Variants in PACS2 observed in about 807,000 individuals in gnomAD.
PACS2 encodes the protein phosphofurin acidic cluster sorting protein 2.
In PACS2, 36 loss-of-function variants were observed where a neutral mutation model predicts 113.0. That is an observed-to-expected ratio of 0.32 (90% CI 0.24 to 0.42). The LOEUF (loss-of-function observed/expected upper bound fraction) is 0.42, where lower values mean the gene tolerates loss of function less well. Among genes scored for constraint, PACS2 ranks in the 10% least tolerant of loss-of-function variants. The pLI, the probability that PACS2 is intolerant of heterozygous loss-of-function variation, is 1.00. For missense variants in PACS2, 1,015 were observed against 1,239.5 expected (o/e 0.82, Z 2.72); for synonymous variants, 589 against 536.1 (o/e 1.10, Z -1.36).
At chr14:105,342,981 C>T (rs982163029) in intron 1 of PACS2, among the ~76,000 whole-genome samples, 1 of 151,794 alleles carries the variant, frequency 6.6e-6, no homozygotes, top group African/African-American at 2.4e-5. Flanking sequence ...AGGTTCACCC[C>T]TCACACCTTT....
chr14:105,351,181 C>A (rs1388757531), intron 2 of PACS2, among the ~76,000 whole-genome samples: 1 of 152,262 alleles, frequency 6.6e-6, no homozygotes, highest in Non-Finnish European at 1.5e-5. Context: ...GCAGCGGCTG[C>A]TTGTTTCTCG....
intron 1 of PACS2, among the ~76,000 whole-genome samples, chr14:105,326,661 C>G (rs901547839): frequency 1.3e-5 from 2 of 152,242 alleles, no homozygotes; most frequent in Non-Finnish European, 2.9e-5. Context: ...GCCTAGGGCT[C>G]TCCTTCCTCC....
chr14:105,369,806 G>A (rs1366579624), intron 7 of PACS2, 35 bp from the exon 8 acceptor site: 2 of 1,529,678 alleles, frequency 1.3e-6, no homozygotes, highest in Non-Finnish European at 1.8e-6. Context: ...TGCAGCTCTG[G>A]CGGCGGCTCT....
At chr14:105,382,328 G>A in intron 13 of PACS2, 149 bp from the exon 14 acceptor site, 1 of 701,490 alleles carries the variant, frequency 1.4e-6, no homozygotes, top group Non-Finnish European at 2.5e-6. Context: ...TTTAGCCCAG[G>A]GCAGTTCTCC....
At position 105,375,176 on chromosome 14, in the gene PACS2, T is replaced by C. The variant is rs587666041; in HGVS notation, c.802-1592T>C. 6.6e-5 allele frequency among the ~76,000 whole-genome samples: 10 copies of C among 151,858 alleles called. No homozygotes were observed. In the East Asian group the frequency reaches 1.6e-3, roughly 24 times the overall value. On this transcript the variant is annotated intron_variant, in intron 8 of 24. Coordinates refer to ENST00000447393, the MANE Select transcript of PACS2 (RefSeq NM_001100913.3). ...CTCAAAGACAAAGAACAGTGAATTG[T>C]CCAATTAAAAAATGGGCAGGGGGCT...
chr14:105,303,117 TG>T (rs1345701476), intron 1 of PACS2, among the ~76,000 whole-genome samples: 5 of 152,110 alleles, frequency 3.3e-5, no homozygotes, highest in African/African-American at 1.2e-4. Context: ...TTAGTAGAGA[TG>T]GGGTTTCACC....
At chr14:105,350,751 G>T (rs2060139694) in intron 2 of PACS2, among the ~76,000 whole-genome samples, 2 of 152,226 alleles carry the variant, frequency 1.3e-5, no homozygotes, top group African/African-American at 4.8e-5. Flanking sequence ...GGTCCCTGCA[G>T]GTCCTCTGAG....
intron 19 of PACS2, among the ~76,000 whole-genome samples, chr14:105,387,513 C>T (rs968083455): frequency 6.6e-6 from 1 of 152,212 alleles, no homozygotes; most frequent in Admixed American, 6.5e-5. Context: ...ATGCTCCTTA[C>T]ACTCCTGACC....
In PACS2 at chr14:105,315,074, A is replaced by G. The variant is rs1275724771; in HGVS notation, c.119+37A>G. On this transcript the variant is annotated intron_variant, in intron 1 of 24. Transcript: ENST00000447393. The surrounding 1 kb of genome is among the most constrained non-coding windows in gnomAD (Gnocchi z 4.4). Reference sequence around the variant, plus strand: ...CCGCCGCGCTTTGTTCCCGCCGGGCACCTGCTGGGGGTGTCCTGGCCGCGG... The same window carrying G: ...CCGCCGCGCTTTGTTCCCGCCGGGCGCCTGCTGGGGGTGTCCTGGCCGCGG... 5 of 1,115,880 alleles carry G rather than the reference A, an allele frequency of 4.5e-6. No homozygotes were observed. The highest frequency in any genetic ancestry group is 4.5e-5 in the Admixed American group (1 of 22,210). 69.1% of individuals were successfully genotyped at this position (1,115,880 alleles called of 1,614,324 possible). A position where few individuals can be genotyped will look rare whatever the true frequency, so the allele number is the denominator to read the frequency against.
intron 1 of PACS2, among the ~76,000 whole-genome samples, chr14:105,345,356 G>A (rs1384188593): frequency 1.3e-5 from 2 of 152,116 alleles, no homozygotes; most frequent in African/African-American, 4.8e-5. Flanking sequence ...GCAGTGAGCT[G>A]AGATCACGCC....
intron 16 of PACS2, 44 bp downstream of exon 16, chr14:105,383,557 G>GCCACACTGCCCGT: frequency 6.5e-7 from 1 of 1,536,334 alleles, no homozygotes. Context: ...CAGATGCCAC[G>GCCACACTGCCCGT]GGCAGTGTGG....
Position 105,348,863 on chromosome 14 carries a change from G to A in PACS2, c.207+283G>A, listed in dbSNP as rs2060042667. 2.7e-6 allele frequency: 1 copy of A among 373,460 alleles called. No homozygotes were observed. Among genetic ancestry groups the A allele is most frequent in the Admixed American group, 4.5e-5 (1 of 22,446 alleles). The allele number at this position is 373,460 out of a possible 1,614,324, so 23.1% of individuals were successfully genotyped here. On this transcript the variant is annotated intron_variant, in intron 2 of 24. Transcript: ENST00000447393. The surrounding 1 kb of genome is among the most constrained non-coding windows in gnomAD (Gnocchi z 6.4). ...CGAGTCACCTCACAGTGATGGACGG[G>A]CCCCAAGCACCTGGAGCCAGGGCTT...
chr14:105,320,487 G>C (rs2140835874), intron 1 of PACS2, among the ~76,000 whole-genome samples: 1 of 152,296 alleles, frequency 6.6e-6, no homozygotes, highest in Non-Finnish European at 1.5e-5. Context: ...TGAGACTACA[G>C]GTGCATGCCA....
rs150441062 is a variant in PACS2, at chr14:105,336,218, G to C, written c.120-12275G>C. Reference sequence around the variant, plus strand: ...CTGGGGTCTTAACCATCTGTGCTCTGTGCGCGCCCCCACCCCCTTGCCTGC... The same window carrying C: ...CTGGGGTCTTAACCATCTGTGCTCTCTGCGCGCCCCCACCCCCTTGCCTGC... On this transcript the variant is annotated intron_variant, in intron 1 of 24. Transcript: ENST00000447393. Among the ~76,000 whole-genome samples, 359 of 152,344 alleles carry C rather than the reference G, an allele frequency of 2.4e-3. 2 individuals are homozygous for C. Among genetic ancestry groups the C allele is most frequent in the African/African-American group, 8.2e-3 (343 of 41,596 alleles).
intron 3 of PACS2, among the ~76,000 whole-genome samples, chr14:105,353,763 T>C (rs1221459865): frequency 6.6e-6 from 1 of 151,962 alleles, no homozygotes; most frequent in African/African-American, 2.4e-5. Flanking sequence ...CCGGCTATTT[T>C]TCGTATCTTT....
At chr14:105,301,966 G>C (rs936747935) in intron 1 of PACS2, among the ~76,000 whole-genome samples, 2 of 152,030 alleles carry the variant, frequency 1.3e-5, no homozygotes, top group Non-Finnish European at 2.9e-5. Context: ...GCGAAACCCC[G>C]TCTCCACTAA....
chr14:105,391,512 T>TGCCCCCCCCCCC, intron 21 of PACS2, 119 bp from the exon 22 acceptor site: 3 of 611,312 alleles, frequency 4.9e-6, no homozygotes, highest in East Asian at 2.9e-5. Flanking sequence ...CACTGGGGAC[T>TGCCCCCCCCCCC]CCCACCCTGC....
At position 105,394,807 on chromosome 14, in the gene PACS2, A is replaced by C. The variant is rs2081488722; in HGVS notation, c.*135A>C. 4.4e-6 allele frequency: 3 copies of C among 681,170 alleles called. No homozygotes were observed. Among genetic ancestry groups the C allele is most frequent in the Non-Finnish European group, 7.9e-6 (3 of 378,406 alleles). 42.2% of individuals were successfully genotyped at this position (681,170 alleles called of 1,614,324 possible). ...AACAGTCTTAAGTATGAATGTGCTC[A>C]CAACGTGGAAACTAACGGGGGAGCT... On this transcript the variant is annotated 3_prime_UTR_variant, in exon 25 of 25. Coordinates refer to ENST00000447393, the MANE Select transcript of PACS2 (RefSeq NM_001100913.3).
chr14:105,335,308 C>T (rs762012883), intron 1 of PACS2, among the ~76,000 whole-genome samples: 4 of 152,234 alleles, frequency 2.6e-5, no homozygotes, highest in Non-Finnish European at 5.9e-5. Context: ...CCCCCATAGG[C>T]CAGTGCCTGG....
Sources: gnomAD v4.1 joint callset for allele counts (sites outside exome capture counted in the v4.1 genomes callset) on GRCh38, gnomAD v4.1.1 for gene constraint, Gnocchi (gnomAD v3.1) non-coding constraint, MANE v1.5 for transcripts, NCBI Gene and HGNC (gene_info 2026-07-23, HGNC 2026-07-21) for gene names.